Variants in FAM124B observed in about 807,000 individuals in gnomAD.
FAM124B encodes family with sequence similarity 124 member B, also known as protein FAM124B.
In FAM124B, 18 loss-of-function variants were observed where a neutral mutation model predicts 19.7. The ratio of observed to expected loss-of-function variants is 0.92; its 90% confidence interval spans 0.63 to 1.36. The LOEUF is 1.36. Ranked by LOEUF, FAM124B falls within the 40% of genes most tolerant of loss-of-function variation. The pLI, the probability that FAM124B is intolerant of heterozygous loss-of-function variation, is 0.00. For synonymous variants in FAM124B, 223 were observed against 225.2 expected, an observed-to-expected ratio of 0.99 and a Z score of 0.09; for missense variants, 540 against 553.3, an observed-to-expected ratio of 0.98 and a Z score of 0.24.
Position 224,401,436 on chromosome 2 carries a change from A to T in FAM124B, c.333T>A (p.Phe111Leu). The T allele has an allele frequency of 6.2e-7, 1 of 1,614,016 alleles. No homozygotes were observed. The highest frequency in any genetic ancestry group is 1.3e-5 in the African/African-American group (1 of 75,000). ...DTRGRLCPYF[F>L]ANQEFYSLDS... ...CCAGGCTGTAGAACTCCTGATTGGC[A>T]AAAAAGTAGGGACACAGCCTTCCCC... Residue 111 changes from phenylalanine to leucine, a missense_variant, in exon 1 of 2, where the codon TTT (phenylalanine) becomes TTA (leucine). By Grantham distance (22) the Phe-to-Leu change is conservative (BLOSUM62 0). Transcript: ENST00000409685.
Position 224,379,855 on chromosome 2 carries a change from A to G in FAM124B, c.1086T>C (p.Asn362=). ...NSFQKLEAET[N]VDTGLTIINS... ...TTATGATGGTCAAGCCGGTGTCAAC[A>G]TTCGTCTCGGCCTCAAGCTTCTGAA... The change falls in exon 2 of 2, where the codon AAT becomes AAC. Residue 362 remains asparagine (N), a synonymous_variant. Coordinates refer to ENST00000409685, the MANE Select transcript of FAM124B (RefSeq NM_001122779.2). 1 of 1,552,156 alleles carries G rather than the reference A, an allele frequency of 6.4e-7. No homozygotes were observed. Among genetic ancestry groups the G allele is most frequent in the Non-Finnish European group, 8.7e-7 (1 of 1,147,100 alleles).
chr2:224,381,861 T>C (rs1487477358), intron 1 of FAM124B, among the ~76,000 whole-genome samples: 2 of 152,132 alleles, frequency 1.3e-5, no homozygotes, highest in African/African-American at 4.8e-5. Flanking sequence ...ATAAGGTCTA[T>C]TTCAAGGGAG....
intron 1 of FAM124B, among the ~76,000 whole-genome samples, chr2:224,381,657 A>G (rs1473238251): frequency 1.3e-5 from 2 of 152,100 alleles, no homozygotes; most frequent in African/African-American, 4.8e-5. Flanking sequence ...CGACACCAAG[A>G]ATGAACCCTA....
intron 1 of FAM124B, 25 bp downstream of exon 1, chr2:224,401,012 A>T: frequency 1.9e-6 from 3 of 1,563,304 alleles, no homozygotes; most frequent in Non-Finnish European, 2.6e-6. Flanking sequence ...GAGCCTCTAC[A>T]AGATCTGAGA....
At chr2:224,383,705 T>C (rs550989328) in intron 1 of FAM124B, among the ~76,000 whole-genome samples, 1 of 152,120 alleles carries the variant, frequency 6.6e-6, no homozygotes, top group Non-Finnish European at 1.5e-5. Context: ...AAATACTATC[T>C]CCGAAATGTC....
Position 224,390,158 on chromosome 2 carries a change from C to CAG in FAM124B, c.733-9952_733-9951dup, listed in dbSNP as rs1553586689. ...ACACACACACACACACACACACACA[C>CAG]AGAAAAGGAATAGTCAGAGAGAATG... On this transcript the variant is annotated intron_variant, in intron 1 of 1. Coordinates refer to ENST00000409685, the MANE Select transcript of FAM124B (RefSeq NM_001122779.2). Among the ~76,000 whole-genome samples the CAG allele has an allele frequency of 1.3e-3, 194 of 145,384 alleles. 2 individuals are homozygous for CAG. The highest frequency in any genetic ancestry group is 4.6e-3 in the African/African-American group (181 of 39,028).
Position 224,401,714 on chromosome 2 carries a change from CAG to C in FAM124B, c.53_54del (p.Ser18TrpfsTer28), listed in dbSNP as rs1690078697. ...GTCCTCTGCAGAAGGGAGCCGTGCC[CAG>C]AGTTGGCAAGAAGATGGACAGTCAT... ...LAMTVHLLAN[S>X]GHGSLLQRTL... On this transcript the variant is annotated frameshift_variant, in exon 1 of 2. Coordinates refer to ENST00000409685, the MANE Select transcript of FAM124B (RefSeq NM_001122779.2). LOFTEE classifies it high-confidence loss of function. The C allele has an allele frequency of 1.2e-6, 2 of 1,614,130 alleles. No individual in the cohort carries two copies. The highest frequency in any genetic ancestry group is 2.7e-5 in the African/African-American group (2 of 75,056).
At chr2:224,389,331 C>T (rs986530675) in intron 1 of FAM124B, among the ~76,000 whole-genome samples, 7 of 152,148 alleles carry the variant, frequency 4.6e-5, no homozygotes, top group East Asian at 1.9e-4. Flanking sequence ...TGAACTGAGA[C>T]GGAACATAAA....
intron 1 of FAM124B, 84 bp downstream of exon 1, chr2:224,400,953 G>A: frequency 1.3e-6 from 2 of 1,489,084 alleles, no homozygotes; most frequent in Non-Finnish European, 1.8e-6. Context: ...AACCAAGTCT[G>A]AGAACCACTA....
At position 224,380,206 on chromosome 2, in the gene FAM124B, A is replaced by G. The variant is rs3738953; in HGVS notation, c.735T>C (p.Val245=). 0.15 allele frequency: 233,018 copies of G among 1,536,538 alleles called. 18,988 individuals carry two copies. Among genetic ancestry groups the G allele is most frequent in the East Asian group, 0.28 (11,432 of 40,630 alleles). The part of the protein sequence containing the change: ...DYDGNKILLQ[V]QLNPELGVKN... Reference sequence around the variant, plus strand: ...TAACACCAAGTTCTGGATTCAGCTGAACCTACAGGAAAGGAAAGGAGGAAC... The same window carrying G: ...TAACACCAAGTTCTGGATTCAGCTGGACCTACAGGAAAGGAAAGGAGGAAC... Residue 245 remains valine (V), a splice_region_variant and synonymous_variant, in exon 2 of 2, where the codon GTT becomes GTC. Coordinates refer to ENST00000409685, the MANE Select transcript of FAM124B (RefSeq NM_001122779.2).
At chr2:224,389,622 C>T (rs1029754152) in intron 1 of FAM124B, among the ~76,000 whole-genome samples, 2 of 151,874 alleles carry the variant, frequency 1.3e-5, no homozygotes, top group Non-Finnish European at 1.5e-5. Context: ...CTGGAGAAGT[C>T]GGGGGCGGGG....
intron 1 of FAM124B, among the ~76,000 whole-genome samples, chr2:224,380,560 A>G (rs16865910): frequency 0.03 from 4,496 of 152,296 alleles, 204 homozygotes; most frequent in African/African-American, 0.095. Flanking sequence ...TAAATGATAT[A>G]TTTATTAGCA....
chr2:224,394,860 G>T (rs1689945349), intron 1 of FAM124B, among the ~76,000 whole-genome samples: 2 of 152,146 alleles, frequency 1.3e-5, no homozygotes, highest in Non-Finnish European at 2.9e-5. Flanking sequence ...GCTCTACAGT[G>T]CATTTCCTGC....
chr2:224,380,091 TC>T lies in FAM124B; in HGVS notation c.849del (p.Arg284GlyfsTer62). ...CCCTGGGACCTCTTGCCCTGGTTCC[TC>T]TGGCTCCTGGGTTCTGAGGTCCTCT... is the stretch of plus-strand genomic sequence containing the variant. The part of the protein sequence containing the change: ...SAKRTSEPRS[Q>X]RNQGKRSQGH... On this transcript the variant is annotated frameshift_variant, in exon 2 of 2. Coordinates refer to ENST00000409685, the MANE Select transcript of FAM124B (RefSeq NM_001122779.2). LOFTEE classifies it low-confidence loss of function (END_TRUNC). 2 of 1,551,706 alleles carry T rather than the reference TC, an allele frequency of 1.3e-6. No homozygotes were observed. The highest frequency in any genetic ancestry group is 4.9e-5 in the East Asian group (2 of 40,920).
chr2:224,389,880 T>C (rs1362290130), intron 1 of FAM124B, among the ~76,000 whole-genome samples: 2 of 152,020 alleles, frequency 1.3e-5, no homozygotes, highest in Non-Finnish European at 2.9e-5. Context: ...GTGATTTTTG[T>C]CTCCCAAGGG....
At position 224,392,674 on chromosome 2, in the gene FAM124B, G is replaced by A. The variant is rs1041031755; in HGVS notation, c.732+8363C>T. 1.1e-4 allele frequency among the ~76,000 whole-genome samples: 17 copies of A among 151,984 alleles called. No homozygotes were observed. The South Asian group carries it at 1.5e-3, about 13-fold the overall frequency. The stretch of plus-strand genomic sequence containing the variant: ...AGAGACTGAGGCAGGAGGATAGCTT[G>A]AGCCTGGGAGAGGGAGGTTGCAATG... On this transcript the variant is annotated intron_variant, in intron 1 of 1. Coordinates refer to ENST00000409685, the MANE Select transcript of FAM124B (RefSeq NM_001122779.2).
intron 1 of FAM124B, among the ~76,000 whole-genome samples, chr2:224,398,201 G>A (rs572965835): frequency 5.3e-5 from 8 of 152,220 alleles, no homozygotes; most frequent in South Asian, 2.1e-4. Flanking sequence ...TGGTTCAAGC[G>A]ATTCTCCTGC....
In FAM124B at chr2:224,386,031, C is replaced by T. The variant is rs73992951; in HGVS notation, c.733-5823G>A. Among the ~76,000 whole-genome samples the T allele has an allele frequency of 8.9e-3, 1,354 of 152,172 alleles. 15 individuals carry two copies. Among genetic ancestry groups the T allele is most frequent in the African/African-American group, 0.031 (1,284 of 41,506 alleles). On this transcript the variant is annotated intron_variant, in intron 1 of 1. Coordinates refer to ENST00000409685, the MANE Select transcript of FAM124B (RefSeq NM_001122779.2). Reference sequence around the variant, plus strand: ...CCACACCATCGTCCTGCTTCAGTGACGCCCTACTCTTCTTAAGATAAAATC... The same window carrying T: ...CCACACCATCGTCCTGCTTCAGTGATGCCCTACTCTTCTTAAGATAAAATC...
chr2:224,388,411 T>C (rs1689831460), intron 1 of FAM124B, among the ~76,000 whole-genome samples: 1 of 152,244 alleles, frequency 6.6e-6, no homozygotes, highest in Admixed American at 6.5e-5. Flanking sequence ...AATGAAATTG[T>C]AATAAATGCT....
Sources: gnomAD v4.1 joint callset for allele counts (sites outside exome capture counted in the v4.1 genomes callset) on GRCh38, gnomAD v4.1.1 for gene constraint, MANE v1.5 for transcripts, NCBI Gene and HGNC (gene_info 2026-07-23, HGNC 2026-07-21) for gene names.